PRKG1: variants seen among roughly 807,000 people sequenced by gnomAD.
PRKG1 encodes the protein cGMP-dependent protein kinase 1.
PRKG1 carries 35 observed loss-of-function variants against 88.1 expected under a neutral mutation model. The ratio of observed to expected loss-of-function variants is 0.40; its 90% CI spans 0.30 to 0.53. The LOEUF is 0.53. PRKG1 is among the 20% of genes least tolerant of loss of function. The probability of loss-of-function intolerance (pLI) is 0.59; values close to 1 mark genes in which losing one functional copy is unlikely to be tolerated. For synonymous variants in PRKG1, 303 were observed against 292.5 expected (o/e 1.04, Z -0.37); for missense variants, 540 against 839.8 (o/e 0.64, Z 4.41).
chr10:52,132,638 CTG>C (rs1410778663), intron 7 of PRKG1, among the ~76,000 whole-genome samples: 2 of 152,006 alleles, frequency 1.3e-5, no homozygotes, highest in Non-Finnish European at 2.9e-5. Flanking sequence ...GGTTTATAGA[CTG>C]TATTATTAAT....
chr10:51,887,682 G>C (rs1841607358), intron 4 of PRKG1, among the ~76,000 whole-genome samples: 1 of 152,156 alleles, frequency 6.6e-6, no homozygotes, highest in South Asian at 2.1e-4. Context: ...AATAAGTTAT[G>C]TTGGCACTTT....
Position 51,407,332 on chromosome 10 carries a change from C to T in PRKG1, c.479-60391C>T, listed in dbSNP as rs899243293. ...CATAATTACACTTATCATAAAACAA[C>T]TATCTTTTGTACAACTGGAAACACA... On this transcript the variant is annotated intron_variant, in intron 2 of 17. Coordinates refer to ENST00000373980, the MANE Select transcript of PRKG1 (RefSeq NM_006258.4). 7.2e-5 allele frequency among the ~76,000 whole-genome samples: 11 copies of T among 152,108 alleles called. 1 individual carries two copies. Among genetic ancestry groups the T allele is most frequent in the African/African-American group, 2.7e-4 (11 of 41,402 alleles).
intron 2 of PRKG1, among the ~76,000 whole-genome samples, chr10:51,360,604 A>G (rs1176619207): frequency 6.6e-6 from 1 of 151,916 alleles, no homozygotes; most frequent in Non-Finnish European, 1.5e-5. Context: ...TAAAGATATA[A>G]ATAAGAGATT....
In PRKG1 at chr10:51,363,234, C is replaced by A. The variant is rs1332953505; in HGVS notation, c.479-104489C>A. Among the ~76,000 whole-genome samples the A allele has an allele frequency of 2.6e-5, 4 of 151,078 alleles. 1 individual carries two copies. The highest frequency in any genetic ancestry group is 6.8e-3 in the Middle Eastern group (2 of 292). On this transcript the variant is annotated intron_variant, in intron 2 of 17. Transcript: ENST00000373980. ...TCCTAGTCAAAAAAAAAAAAAAATT[C>A]TCGCACTCCATCAAAAGTAGATTGA...
chr10:51,938,647 G>A lies in PRKG1; in HGVS notation c.762+31077G>A, dbSNP rs1842845089. On this transcript the variant is annotated intron_variant, in intron 5 of 17. Transcript: ENST00000373980. ...TTTCTTACTCACCCCTCTTCCCACTGAGAAGACACCTGCACATGTGATGTC... is the reference window on the plus strand; with the variant it reads ...TTTCTTACTCACCCCTCTTCCCACTAAGAAGACACCTGCACATGTGATGTC... 2.0e-5 allele frequency among the ~76,000 whole-genome samples: 3 copies of A among 151,642 alleles called. No homozygotes were observed. The South Asian group carries it at 6.3e-4, about 32-fold the overall frequency.
chr10:51,743,335 G>C (rs894034632), intron 3 of PRKG1, among the ~76,000 whole-genome samples: 4 of 152,020 alleles, frequency 2.6e-5, no homozygotes, highest in African/African-American at 9.7e-5. Flanking sequence ...CATGTGTGCA[G>C]TGCTGCCCTT....
At chr10:51,841,705 C>A (rs1236618186) in intron 4 of PRKG1, among the ~76,000 whole-genome samples, 1 of 151,802 alleles carries the variant, frequency 6.6e-6, no homozygotes, top group African/African-American at 2.4e-5. Flanking sequence ...ATTTTTGATA[C>A]AGAGTCTCGC....
intron 3 of PRKG1, chr10:51,568,740 A>C (rs750913481): frequency 7.0e-6 from 1 of 141,992 alleles, no homozygotes; most frequent in East Asian, 1.9e-4. Context: ...GAATTCTAAA[A>C]GCATCATTAC....
chr10:51,378,153 C>A lies in PRKG1; in HGVS notation c.479-89570C>A, dbSNP rs930202185. ...CAAGAAGTATGAATTGAGAAAATTA[C>A]AAGGAATAGTAGAATGCCTAAAATG... is the stretch of plus-strand genomic sequence containing the variant. On this transcript the variant is annotated intron_variant, in intron 2 of 17. Transcript: ENST00000373980. Among the ~76,000 whole-genome samples the A allele has an allele frequency of 2.6e-5, 4 of 152,172 alleles. No homozygotes were observed. In the South Asian group the frequency reaches 8.3e-4, roughly 32 times the overall value.
At chr10:51,354,876 G>A (rs1842330961) in intron 2 of PRKG1, among the ~76,000 whole-genome samples, 1 of 152,078 alleles carries the variant, frequency 6.6e-6, no homozygotes, top group Non-Finnish European at 1.5e-5. Context: ...CAGATTAAGG[G>A]TCTTTCATCT....
chr10:52,268,946 A>G (rs571391652), intron 10 of PRKG1, among the ~76,000 whole-genome samples: 52 of 151,990 alleles, frequency 3.4e-4, no homozygotes, highest in Non-Finnish European at 6.6e-4. Context: ...GCAGTTAAGC[A>G]ACTAGCCCGA....
intron 5 of PRKG1, among the ~76,000 whole-genome samples, chr10:51,975,346 A>G (rs1019631143): frequency 6.6e-6 from 1 of 152,058 alleles, no homozygotes; most frequent in Non-Finnish European, 1.5e-5. Flanking sequence ...GGATGACTAT[A>G]AAGGCAATCC....
At chr10:51,207,755 C>T (rs1343398506) in intron 2 of PRKG1, among the ~76,000 whole-genome samples, 1 of 152,148 alleles carries the variant, frequency 6.6e-6, no homozygotes, top group Non-Finnish European at 1.5e-5. Context: ...TTTCTACTTT[C>T]TGGAACTCTT....
At chr10:51,394,490 A>T (rs1379676379) in intron 2 of PRKG1, among the ~76,000 whole-genome samples, 1 of 152,204 alleles carries the variant, frequency 6.6e-6, no homozygotes, top group Non-Finnish European at 1.5e-5. Flanking sequence ...TGTCCTGTTG[A>T]TTAGCAAGCA....
chr10:51,136,011 A>C (rs922398888), intron 1 of PRKG1, among the ~76,000 whole-genome samples: 125 of 151,274 alleles, frequency 8.3e-4, no homozygotes, highest in Non-Finnish European at 1.4e-3. Context: ...AGATATACCT[A>C]ATGCTAAATG....
intron 5 of PRKG1, among the ~76,000 whole-genome samples, chr10:52,024,098 G>A (rs576373924): frequency 5.5e-4 from 84 of 152,100 alleles, no homozygotes; most frequent in Admixed American, 1.3e-3. Flanking sequence ...TATAAGGTGT[G>A]AGGAAGGGAT....
chr10:51,102,917 A>G lies in PRKG1; in HGVS notation c.311+28016A>G, dbSNP rs527690830. ...CATGGAGAGGAAACTTTTTAAAGCAATCATCTACCATAAATAACTTCAGAC... is the reference window on the plus strand; with the variant it reads ...CATGGAGAGGAAACTTTTTAAAGCAGTCATCTACCATAAATAACTTCAGAC... On this transcript the variant is annotated intron_variant, in intron 1 of 17. Transcript: ENST00000373980. 2.6e-5 allele frequency among the ~76,000 whole-genome samples: 4 copies of G among 152,254 alleles called. No homozygotes were observed. The East Asian group carries it at 5.8e-4, about 22-fold the overall frequency.
intron 2 of PRKG1, chr10:51,299,693 C>G: frequency 2.2e-6 from 1 of 446,998 alleles, no homozygotes. Context: ...AGGCTGACAG[C>G]CACAGGTATA....
chr10:51,406,465 T>C (rs1464638442), intron 2 of PRKG1, among the ~76,000 whole-genome samples: 1 of 152,200 alleles, frequency 6.6e-6, no homozygotes, highest in East Asian at 1.9e-4. Context: ...ATAGATAGTT[T>C]TCACTGGGGG....
Sources: allele counts gnomAD v4.1 joint callset (sites outside exome capture counted in the v4.1 genomes callset), GRCh38; gene constraint gnomAD v4.1.1; transcripts MANE v1.5; gene names NCBI Gene and HGNC (gene_info 2026-07-23, HGNC 2026-07-21).